The following NEXN variants were observed in gnomAD, a reference collection of about 807,000 sequenced individuals.
NEXN encodes nexilin.
NEXN carries 65 observed loss-of-function variants against 92.6 expected under a neutral mutation model. The ratio of observed to expected loss-of-function variants is 0.70; its 90% CI spans 0.57 to 0.86. The LOEUF (loss-of-function observed/expected upper bound fraction) is 0.86. Among genes scored for constraint, NEXN ranks in the 40% least tolerant of loss-of-function variants. The probability of loss-of-function intolerance (pLI) is 0.00; values close to 1 mark genes in which losing one functional copy is unlikely to be tolerated. For missense variants in NEXN, 778 were observed against 771.1 expected (o/e 1.01, Z -0.11); for synonymous variants, 254 against 242.5 (o/e 1.05, Z -0.44).
intron 1 of NEXN, among the ~76,000 whole-genome samples, chr1:77,894,892 T>A (rs879907506): frequency 1.3e-5 from 2 of 149,502 alleles, no homozygotes; most frequent in Non-Finnish European, 3.0e-5. Context: ...ATTTTTTGTA[T>A]TTTAGTAGAG....
chr1:77,929,297 G>A lies in NEXN; in HGVS notation c.865-19G>A, dbSNP rs758028625. 7 of 1,511,738 alleles carry A rather than the reference G, an allele frequency of 4.6e-6. No homozygotes were observed. Among genetic ancestry groups the A allele is most frequent in the South Asian group, 2.3e-5 (2 of 88,422 alleles). The allele number at this position is 1,511,738 out of a possible 1,614,324, so 93.6% of individuals were successfully genotyped here. A position where few individuals can be genotyped will look rare whatever the true frequency, so the allele number is the denominator to read the frequency against. ...CTGATGAACCTCAATTCTTAGTAAT[G>A]AATTGTTTATTTGGTTAGGTAAATG... On this transcript the variant is annotated intron_variant, in intron 8 of 12. Coordinates refer to ENST00000334785, the MANE Select transcript of NEXN (RefSeq NM_144573.4).
At chr1:77,930,736 C>G (rs1650220163) in intron 9 of NEXN, among the ~76,000 whole-genome samples, 2 of 152,210 alleles carry the variant, frequency 1.3e-5, no homozygotes, top group Admixed American at 6.5e-5. Flanking sequence ...AGATGTCCCT[C>G]ACTCCTTTCC....
rs1363225482 is a variant in NEXN at position 77,938,439 on chromosome 1, A to G, written c.1473+2395A>G. On this transcript the variant is annotated intron_variant, in intron 11 of 12. Coordinates refer to ENST00000334785, the MANE Select transcript of NEXN (RefSeq NM_144573.4). ...GCCGAGGCGGGCGGATCACCAGGTC[A>G]AGAGATCGAGACCATCCTGGCCAAC... 3.9e-5 allele frequency among the ~76,000 whole-genome samples: 6 copies of G among 152,030 alleles called. No homozygotes were observed. The East Asian group carries it at 1.2e-3, about 29-fold the overall frequency.
At chr1:77,938,416 C>T (rs913466284) in intron 11 of NEXN, among the ~76,000 whole-genome samples, 3 of 151,892 alleles carry the variant, frequency 2.0e-5, no homozygotes, top group East Asian at 1.9e-4. Flanking sequence ...TTTGGGAGGC[C>T]GAGGCGGGCG....
At chr1:77,893,872 GC>G (rs1254392130) in intron 1 of NEXN, among the ~76,000 whole-genome samples, 1 of 148,462 alleles carries the variant, frequency 6.7e-6, no homozygotes, top group Non-Finnish European at 1.5e-5. Flanking sequence ...TTGCTCTTTT[GC>G]CCAGGCTGAA....
chr1:77,902,764 T>C (rs1358486888), intron 1 of NEXN, among the ~76,000 whole-genome samples: 1 of 152,132 alleles, frequency 6.6e-6, no homozygotes, highest in Non-Finnish European at 1.5e-5. Context: ...TTTACCAATA[T>C]AAAAATGTTT....
rs1238532301 is a variant in NEXN, at chr1:77,929,420, A to G, written c.969A>G (p.Glu323=). Reference sequence around the variant, plus strand: ...AAGAAATGGAAAGGCAAAGAAGAGAAGATGAAAAAAGGAAAGCAGAAGAAG... The same window carrying G: ...AAGAAATGGAAAGGCAAAGAAGAGAGGATGAAAAAAGGAAAGCAGAAGAAG... ...SFEEMERQRR[E]DEKRKAEEEA... The change falls in exon 9 of 13, where the codon GAA becomes GAG. Residue 323 remains glutamate (E), a synonymous_variant. Coordinates refer to ENST00000334785, the MANE Select transcript of NEXN (RefSeq NM_144573.4). The G allele has an allele frequency of 6.2e-7, 1 of 1,613,740 alleles. No homozygotes were observed. Among genetic ancestry groups the G allele is most frequent in the East Asian group, 2.2e-5 (1 of 44,846 alleles).
rs532217422 is a variant in NEXN, at chr1:77,931,795, G to A, written c.1054-1487G>A. 3 of 152,262 alleles carry A rather than the reference G, an allele frequency of 2.0e-5. No homozygotes were observed. The South Asian group carries it at 6.2e-4, about 32-fold the overall frequency. The allele number at this position is 152,262 out of a possible 1,614,324, so 9.4% of individuals were successfully genotyped here. On this transcript the variant is annotated intron_variant, in intron 9 of 12. Coordinates refer to ENST00000334785, the MANE Select transcript of NEXN (RefSeq NM_144573.4). ...TGTTTCTGAGTTGAAATAGTTCTGT[G>A]GTAAAGCCTGGATTACCTTGATAAA... is the stretch of plus-strand genomic sequence containing the variant.
intron 1 of NEXN, among the ~76,000 whole-genome samples, chr1:77,910,349 A>C (rs1264042416): frequency 6.6e-6 from 1 of 152,236 alleles, no homozygotes; most frequent in Non-Finnish European, 1.5e-5. Flanking sequence ...AGAAAAAGAA[A>C]TGAAAGGCAT....
In NEXN at chr1:77,942,935, ACTTTCT is replaced by A. The variant is rs1426239109; in HGVS notation, c.*112_*117del. 1 of 1,441,778 alleles carries A rather than the reference ACTTTCT, an allele frequency of 6.9e-7. No homozygotes were observed. Among genetic ancestry groups the A allele is most frequent in the Non-Finnish European group, 9.5e-7 (1 of 1,052,906 alleles). The allele number at this position is 1,441,778 out of a possible 1,614,324, so 89.3% of individuals were successfully genotyped here. A position where few individuals can be genotyped will look rare whatever the true frequency, so the allele number is the denominator to read the frequency against. On this transcript the variant is annotated 3_prime_UTR_variant, in exon 13 of 13. Transcript: ENST00000334785. ...CTAGCTCCCCTCCCCTCTCCCTGGA[ACTTTCT>A]CTTTCACTCCAACTTTCTTACTACA...
rs941921893 is a variant in NEXN at position 77,937,787 on chromosome 1, C to A, written c.1473+1743C>A. 3.3e-5 allele frequency among the ~76,000 whole-genome samples: 5 copies of A among 152,200 alleles called. No homozygotes were observed. In the South Asian group the frequency reaches 1.0e-3, roughly 32 times the overall value. On this transcript the variant is annotated intron_variant, in intron 11 of 12. Coordinates refer to ENST00000334785, the MANE Select transcript of NEXN (RefSeq NM_144573.4). ...AGACATCAGTAACTAAACTTACAGT[C>A]CCTGTTCATATAGTGTTTAGAATCT...
intron 5 of NEXN, among the ~76,000 whole-genome samples, chr1:77,918,669 A>G (rs1350045988): frequency 1.9e-5 from 2 of 104,854 alleles, no homozygotes; most frequent in Non-Finnish European, 4.2e-5. Context: ...TATCTCAAAG[A>G]AAAAAAAAAA....
chr1:77,934,367 C>CA (rs1650575053), intron 10 of NEXN, among the ~76,000 whole-genome samples: 1 of 152,098 alleles, frequency 6.6e-6, no homozygotes, highest in African/African-American at 2.4e-5. Flanking sequence ...AGGCTGGTCT[C>CA]AAACTTCTGG....
chr1:77,939,134 G>C (rs1233877053), intron 11 of NEXN, among the ~76,000 whole-genome samples: 1 of 152,178 alleles, frequency 6.6e-6, no homozygotes, highest in African/African-American at 2.4e-5. Flanking sequence ...GTATGGATAG[G>C]AGTTGAACAA....
chr1:77,896,197 T>TAAATAAATA (rs1195580693), intron 1 of NEXN, among the ~76,000 whole-genome samples: 2 of 151,806 alleles, frequency 1.3e-5, no homozygotes, highest in African/African-American at 4.8e-5. Context: ...AATAAATAAA[T>TAAATAAATA]AAGTTGTCGG....
At chr1:77,934,230 G>A (rs1352581934) in intron 10 of NEXN, among the ~76,000 whole-genome samples, 2 of 151,936 alleles carry the variant, frequency 1.3e-5, no homozygotes, top group Non-Finnish European at 1.5e-5. Flanking sequence ...GGCTGATCTC[G>A]AACTCCTGAC....
chr1:77,909,779 T>C (rs1425245968), intron 1 of NEXN, among the ~76,000 whole-genome samples: 1 of 152,122 alleles, frequency 6.6e-6, no homozygotes, highest in East Asian at 1.9e-4. Flanking sequence ...CTTGCAAATA[T>C]TTAGGGAAAA....
At chr1:77,928,759 T>C (rs1571140994) in intron 8 of NEXN, among the ~76,000 whole-genome samples, 1 of 151,536 alleles carries the variant, frequency 6.6e-6, no homozygotes, top group Non-Finnish European at 1.5e-5. Context: ...ACCCCAATTA[T>C]AGTACACACA....
chr1:77,940,299 C>G (rs1651151407), intron 11 of NEXN, among the ~76,000 whole-genome samples: 2 of 152,130 alleles, frequency 1.3e-5, no homozygotes, highest in Non-Finnish European at 2.9e-5. Context: ...AATACACTGC[C>G]TAACTGCTGA....
Sources: gnomAD v4.1 joint callset for allele counts (sites outside exome capture counted in the v4.1 genomes callset) on GRCh38, gnomAD v4.1.1 for gene constraint, MANE v1.5 for transcripts, NCBI Gene and HGNC (gene_info 2026-07-23, HGNC 2026-07-21) for gene names.